The following CDIN1 variants were observed in gnomAD, a reference collection of about 807,000 sequenced individuals.
CDIN1 encodes CDAN1 interacting nuclease 1.
Under a neutral mutation model 45.3 loss-of-function variants are expected in CDIN1, and 33 were observed. That is an observed-to-expected ratio of 0.73 (90% CI 0.55 to 0.97). The LOEUF is 0.97. Ranked by LOEUF, CDIN1 falls within the 50% of genes least tolerant of loss-of-function variation. CDIN1 has a pLI of 0.00. For synonymous variants in CDIN1, 118 were observed against 124.4 expected (o/e 0.95, Z 0.34); for missense variants, 303 against 339.4 (o/e 0.89, Z 0.84).
chr15:36,586,067 G>C (rs781666035), intron 1 of CDIN1, among the ~76,000 whole-genome samples: 6 of 152,106 alleles, frequency 3.9e-5, no homozygotes, highest in Non-Finnish European at 7.4e-5. Flanking sequence ...AGTTGACAAA[G>C]TCTGACCAAC....
At chr15:36,750,070 AAG>A (rs1210000961) in intron 10 of CDIN1, among the ~76,000 whole-genome samples, 1 of 152,144 alleles carries the variant, frequency 6.6e-6, no homozygotes, top group Non-Finnish European at 1.5e-5. Flanking sequence ...GAGCCTAGAA[AAG>A]AATTATGTGT....
intron 10 of CDIN1, among the ~76,000 whole-genome samples, chr15:36,798,299 T>C (rs911823013): frequency 1.3e-5 from 2 of 152,170 alleles, no homozygotes; most frequent in African/African-American, 4.8e-5. Context: ...TATCTGATCA[T>C]TTTTTCTAAT....
At chr15:36,726,476 C>G (rs1262683076) in intron 10 of CDIN1, among the ~76,000 whole-genome samples, 2 of 152,230 alleles carry the variant, frequency 1.3e-5, no homozygotes, top group African/African-American at 4.8e-5. Flanking sequence ...TGGCCACCCC[C>G]ACACACCTTT....
At chr15:36,674,367 T>C (rs1416439745) in intron 5 of CDIN1, among the ~76,000 whole-genome samples, 1 of 152,122 alleles carries the variant, frequency 6.6e-6, no homozygotes, top group Non-Finnish European at 1.5e-5. Context: ...TATGAATTTT[T>C]TAAACAAAAT....
intron 1 of CDIN1, among the ~76,000 whole-genome samples, chr15:36,602,380 A>G (rs1403232700): frequency 6.6e-6 from 1 of 152,218 alleles, no homozygotes; most frequent in Non-Finnish European, 1.5e-5. Flanking sequence ...CACTTTTGGG[A>G]CTTCTCTTTT....
At chr15:36,620,272 CA>C (rs2039117491) in intron 1 of CDIN1, among the ~76,000 whole-genome samples, 1 of 151,958 alleles carries the variant, frequency 6.6e-6, no homozygotes, top group Non-Finnish European at 1.5e-5. Context: ...AATGGCGTGA[CA>C]CCGGGGGGCG....
At chr15:36,802,305 G>T (rs2055076643) in intron 10 of CDIN1, among the ~76,000 whole-genome samples, 1 of 152,058 alleles carries the variant, frequency 6.6e-6, no homozygotes, top group Non-Finnish European at 1.5e-5. Flanking sequence ...TTACCTCTTT[G>T]TTGTTGATTA....
At chr15:36,700,455 A>C (rs533713816) in intron 8 of CDIN1, among the ~76,000 whole-genome samples, 3 of 152,266 alleles carry the variant, frequency 2.0e-5, no homozygotes, top group African/African-American at 7.2e-5. Flanking sequence ...GAAAGGTACA[A>C]ATTATACTCA....
Position 36,800,487 on chromosome 15 carries a change from T to C in CDIN1, c.717-7837T>C, listed in dbSNP as rs76235567. Among the ~76,000 whole-genome samples the C allele has an allele frequency of 1.7e-3, 253 of 152,296 alleles. 5 individuals are homozygous for C. In the East Asian group the frequency reaches 0.045, roughly 27 times the overall value. Reference sequence around the variant, plus strand: ...TTACACACAGGCATAAGTATACACATACTTTGCATATAAACATGTGCAAGC... The same window carrying C: ...TTACACACAGGCATAAGTATACACACACTTTGCATATAAACATGTGCAAGC... On this transcript the variant is annotated intron_variant, in intron 10 of 10. Transcript: ENST00000566621.
intron 1 of CDIN1, among the ~76,000 whole-genome samples, chr15:36,630,203 C>T (rs909512205): frequency 3.9e-5 from 6 of 152,198 alleles, no homozygotes; most frequent in Admixed American, 6.5e-5. Context: ...AATTTAATCA[C>T]TGTAGCTATT....
At chr15:36,690,135 A>C (rs1443400256) in intron 5 of CDIN1, among the ~76,000 whole-genome samples, 1 of 152,246 alleles carries the variant, frequency 6.6e-6, no homozygotes, top group East Asian at 1.9e-4. Flanking sequence ...TGTTGCTATA[A>C]GCATGTAGTT....
intron 1 of CDIN1, 91 bp from the exon 2 acceptor site, chr15:36,644,187 G>A: frequency 8.3e-7 from 1 of 1,205,236 alleles, no homozygotes; most frequent in South Asian, 1.3e-5. Context: ...TAGATTACAG[G>A]GCAGCAGGCC....
intron 10 of CDIN1, among the ~76,000 whole-genome samples, chr15:36,756,398 G>A (rs952324184): frequency 6.6e-6 from 1 of 152,080 alleles, no homozygotes; most frequent in Non-Finnish European, 1.5e-5. Flanking sequence ...GCCCATAGTT[G>A]CTTAGAACTG....
chr15:36,795,667 T>A (rs1691012027), intron 10 of CDIN1, among the ~76,000 whole-genome samples: 1 of 152,004 alleles, frequency 6.6e-6, no homozygotes, highest in African/African-American at 2.4e-5. Flanking sequence ...CCTGGTCTCA[T>A]GAAGCTGATC....
intron 1 of CDIN1, among the ~76,000 whole-genome samples, chr15:36,598,725 C>A (rs1378218318): frequency 6.6e-6 from 1 of 152,048 alleles, no homozygotes; most frequent in Non-Finnish European, 1.5e-5. Context: ...CCCTTTTCCA[C>A]CCTCTCCTTT....
At chr15:36,710,189 T>C (rs1680656911) in intron 10 of CDIN1, among the ~76,000 whole-genome samples, 1 of 152,168 alleles carries the variant, frequency 6.6e-6, no homozygotes, top group African/African-American at 2.4e-5. Flanking sequence ...TAGTATATAT[T>C]CCATTTTTCA....
chr15:36,657,728 T>C, intron 4 of CDIN1, 105 bp from the exon 5 acceptor site: 1 of 838,758 alleles, frequency 1.2e-6, no homozygotes, highest in Non-Finnish European at 1.9e-6. Context: ...TGATGCTTGC[T>C]ATGGTTGATT....
chr15:36,667,823 T>A (rs140822627), intron 5 of CDIN1, among the ~76,000 whole-genome samples: 1 of 152,310 alleles, frequency 6.6e-6, no homozygotes, highest in East Asian at 1.9e-4. Context: ...ATAGTATTTT[T>A]TCATTAGCCA....
At chr15:36,610,345 G>T (rs922876419) in intron 1 of CDIN1, among the ~76,000 whole-genome samples, 4 of 152,158 alleles carry the variant, frequency 2.6e-5, no homozygotes, top group Non-Finnish European at 5.9e-5. Context: ...CTTAAGCAAG[G>T]TAGATTCTTA....
Sources: allele counts gnomAD v4.1 joint callset (sites outside exome capture counted in the v4.1 genomes callset), GRCh38; gene constraint gnomAD v4.1.1; transcripts MANE v1.5; gene names NCBI Gene and HGNC (gene_info 2026-07-23, HGNC 2026-07-21).